The following DENND3 variants were observed in gnomAD, a reference collection of about 807,000 sequenced individuals.
DENND3 encodes the protein DENN domain containing 3.
A neutral mutation model predicts 135.1 loss-of-function variants in DENND3; 88 were observed. That is an observed-to-expected ratio of 0.65 (90% CI 0.55 to 0.78). The LOEUF (loss-of-function observed/expected upper bound fraction) is 0.78, where lower values mean the gene tolerates loss of function less well. Among genes scored for constraint, DENND3 ranks in the 30% least tolerant of loss-of-function variants. The pLI is 0.00. For missense variants in DENND3, 1,392 were observed against 1,688.4 expected (o/e 0.82, Z 3.08); for synonymous variants, 693 against 712.3 (o/e 0.97, Z 0.43).
At chr8:141,169,623 A>C (rs1376598997) in intron 13 of DENND3, among the ~76,000 whole-genome samples, 1 of 152,116 alleles carries the variant, frequency 6.6e-6, no homozygotes, top group East Asian at 1.9e-4. Context: ...CTCCCTCCCC[A>C]GAGGGAGCCA....
At chr8:141,177,901 G>A in intron 15 of DENND3, 166 bp from the exon 16 acceptor site, 2 of 847,354 alleles carry the variant, frequency 2.4e-6, no homozygotes, top group East Asian at 5.9e-5. Context: ...TTAAGTAAGA[G>A]AAGAAATATA....
chr8:141,142,438 G>A (rs1817581949), intron 4 of DENND3: 2 of 456,502 alleles, frequency 4.4e-6, no homozygotes, highest in Admixed American at 4.7e-5. Context: ...TGACCAGAGG[G>A]ACGAGCCCCA....
chr8:141,172,230 G>T (rs1821710185), intron 13 of DENND3, among the ~76,000 whole-genome samples: 1 of 152,024 alleles, frequency 6.6e-6, no homozygotes, highest in Admixed American at 6.5e-5. Context: ...GGCCGTGGGT[G>T]TGCACAGTGT....
At position 141,141,517 on chromosome 8, in the gene DENND3, T is replaced by TG; in HGVS notation, c.623+198dup. 1 of 335,656 alleles carries TG rather than the reference T, an allele frequency of 3.0e-6. No individual in the cohort carries two copies. Among genetic ancestry groups the TG allele is most frequent in the South Asian group, 2.9e-5 (1 of 34,448 alleles). 20.8% of individuals were successfully genotyped at this position (335,656 alleles called of 1,614,324 possible). A position where few individuals can be genotyped will look rare whatever the true frequency, so the allele number is the denominator to read the frequency against. ...TGCCTCTTAGGCTGTTGCTTAAGGC[T>TG]GGGGGCAGTGGGCAGGGGGTGTGGC... is the stretch of plus-strand genomic sequence containing the variant. On this transcript the variant is annotated intron_variant, in intron 4 of 22. Coordinates refer to ENST00000519811, the MANE Select transcript of DENND3 (RefSeq NM_001352890.3). The surrounding 1 kb of genome is among the most constrained non-coding windows in gnomAD (Gnocchi z 5.3).
Position 141,192,352 on chromosome 8 carries a change from T to A in DENND3, c.3401T>A (p.Val1134Asp), listed in dbSNP as rs1233063609. The A allele has an allele frequency of 2.5e-6, 4 of 1,613,992 alleles. No individual in the cohort carries two copies. In the African/African-American group the frequency reaches 4.0e-5, roughly 16 times the overall value. ...LWCCTGNSIM[V>D]MKMNGSLHQE... ...ACAGGCACAGGTAACAGCATCATGG[T>A]CATGAAAATGAATGGATCCCTCCAT... The change falls in exon 21 of 23, where the codon GTC becomes GAC. Residue 1134 changes from valine (V) to aspartate (D), a missense_variant. By Grantham distance (152) the Val-to-Asp change is radical (BLOSUM62 -3). Coordinates refer to ENST00000519811, the MANE Select transcript of DENND3 (RefSeq NM_001352890.3).
rs1163965379 is a variant in DENND3 at position 141,192,315 on chromosome 8, C to T, written c.3380-16C>T. ...ATGACACTGCCTGGCCCCATCCTAG[C>T]TCCTTCCTTCCACAGGCACAGGTAA... On this transcript the variant is annotated splice_polypyrimidine_tract_variant and intron_variant, in intron 20 of 22. Coordinates refer to ENST00000519811, the MANE Select transcript of DENND3 (RefSeq NM_001352890.3). The T allele has an allele frequency of 1.2e-6, 2 of 1,613,458 alleles. No individual in the cohort carries two copies. The highest frequency in any genetic ancestry group is 1.3e-5 in the African/African-American group (1 of 74,932).
intron 13 of DENND3, chr8:141,173,569 C>T (rs778494462): frequency 1.1e-4 from 17 of 152,322 alleles, no homozygotes; most frequent in Middle Eastern, 3.4e-3. Context: ...GCTGCCGTGA[C>T]GACTCAGTCG....
rs150167322 is a variant in DENND3 at position 141,149,717 on chromosome 8, C to T, written c.736-1117C>T. The stretch of plus-strand genomic sequence containing the variant: ...GGGCTTCAGGAGGACCTGGAGAAAA[C>T]CTAGCCGGGCACGGGCATGAGGAGA... On this transcript the variant is annotated intron_variant, in intron 5 of 22. Transcript: ENST00000519811. Among the ~76,000 whole-genome samples, 507 of 152,384 alleles carry T rather than the reference C, an allele frequency of 3.3e-3. 5 individuals are homozygous for T. In the East Asian group the frequency reaches 0.034, roughly 10 times the overall value.
At chr8:141,132,864 C>T (rs950221685) in intron 1 of DENND3, among the ~76,000 whole-genome samples, 2 of 152,140 alleles carry the variant, frequency 1.3e-5, no homozygotes, top group African/African-American at 4.8e-5. Context: ...AGTGTTCAGT[C>T]CAGGCTGAGC....
At chr8:141,149,275 C>G (rs1451483566) in intron 5 of DENND3, among the ~76,000 whole-genome samples, 1 of 152,156 alleles carries the variant, frequency 6.6e-6, no homozygotes, top group Non-Finnish European at 1.5e-5. Context: ...AGCAAAGAGA[C>G]CCAAGCACAG....
intron 5 of DENND3, among the ~76,000 whole-genome samples, chr8:141,145,866 T>TTG (rs1818060520): frequency 2.3e-5 from 3 of 131,898 alleles, no homozygotes; most frequent in Admixed American, 7.9e-5. Context: ...TTTTTTTTTT[T>TTG]GAGGCGGAGT....
intron 5 of DENND3, among the ~76,000 whole-genome samples, chr8:141,147,044 T>C (rs576101050): frequency 1.3e-5 from 2 of 152,298 alleles, no homozygotes; most frequent in South Asian, 4.1e-4. Flanking sequence ...CCTGGCCCGA[T>C]GACTCTCGGC....
chr8:141,183,688 G>C (rs1385569866), intron 17 of DENND3, among the ~76,000 whole-genome samples: 1 of 151,326 alleles, frequency 6.6e-6, no homozygotes, highest in Non-Finnish European at 1.5e-5. Flanking sequence ...GGAATGACGG[G>C]TGAGAAGCCA....
intron 20 of DENND3, 47 bp downstream of exon 20, chr8:141,190,464 C>G: frequency 1.9e-6 from 3 of 1,544,756 alleles, no homozygotes; most frequent in Non-Finnish European, 2.6e-6. Context: ...CCTCCCTGCT[C>G]TGGGAAAAGG....
chr8:141,170,748 G>A (rs1821441107), intron 13 of DENND3, among the ~76,000 whole-genome samples: 1 of 152,232 alleles, frequency 6.6e-6, no homozygotes, highest in Non-Finnish European at 1.5e-5. Flanking sequence ...ATCCCACTGG[G>A]GGTGACTGTC....
chr8:141,158,222 G>A lies in DENND3; in HGVS notation c.1196+2252G>A, dbSNP rs117040253. 11,714 of 1,289,584 alleles carry A rather than the reference G, an allele frequency of 9.1e-3. 62 individuals are homozygous for A. Among genetic ancestry groups the A allele is most frequent in the Non-Finnish European group, 0.011 (10,662 of 988,770 alleles). 79.9% of individuals were successfully genotyped at this position (1,289,584 alleles called of 1,614,324 possible). On this transcript the variant is annotated intron_variant, in intron 8 of 22. Transcript: ENST00000519811. Reference sequence around the variant, plus strand: ...GGGCACCTGAGCAGCTGTTCTGTTGGCAACTGTCCTCTGCGCGAACTTTGA... The same window carrying A: ...GGGCACCTGAGCAGCTGTTCTGTTGACAACTGTCCTCTGCGCGAACTTTGA...
At chr8:141,133,866 T>A (rs1021801358) in intron 1 of DENND3, among the ~76,000 whole-genome samples, 1 of 151,984 alleles carries the variant, frequency 6.6e-6, no homozygotes, top group African/African-American at 2.4e-5. Flanking sequence ...ACCCCAGAGG[T>A]GCAGTGGGGG....
At chr8:141,145,830 TATA>T (rs1818003992) in intron 5 of DENND3, among the ~76,000 whole-genome samples, 11 of 86,874 alleles carry the variant, frequency 1.3e-4, no homozygotes, top group African/African-American at 7.2e-4. Flanking sequence ...TATATATATA[TATA>T]TATATATATA....
At position 141,195,405 on chromosome 8, in the gene DENND3, T is replaced by C. The variant is rs898725081; in HGVS notation, c.*1172T>C. ...CATCCTGAGGGTCTCTGGGGGTGTT[T>C]GCCAGGCTCCTGGGATGGGCCGCTT... On this transcript the variant is annotated 3_prime_UTR_variant, in exon 23 of 23. Transcript: ENST00000519811. The C allele has an allele frequency of 1.3e-5, 2 of 152,230 alleles. No homozygotes were observed. The highest frequency in any genetic ancestry group is 2.9e-5 in the Non-Finnish European group (2 of 68,050). The allele number at this position is 152,230 out of a possible 1,614,324, so 9.4% of individuals were successfully genotyped here.
Sources: gnomAD v4.1 joint callset for allele counts (sites outside exome capture counted in the v4.1 genomes callset) on GRCh38, gnomAD v4.1.1 for gene constraint, Gnocchi (gnomAD v3.1) non-coding constraint, MANE v1.5 for transcripts, NCBI Gene and HGNC (gene_info 2026-07-23, HGNC 2026-07-21) for gene names.